The following SLC35A5 variants were observed in gnomAD, a reference collection of about 807,000 sequenced individuals.
The protein encoded by SLC35A5 is solute carrier family 35 member A5.
A neutral mutation model predicts 36.3 loss-of-function variants in SLC35A5; 28 were observed. That is an observed-to-expected ratio of 0.77 (90% CI 0.57 to 1.06). SLC35A5 has a LOEUF of 1.06. Among genes scored for constraint, SLC35A5 ranks in the 50% least tolerant of loss-of-function variants. SLC35A5 has a pLI of 0.00. For missense variants in SLC35A5, 521 were observed against 499.3 expected (o/e 1.04, Z -0.41); for synonymous variants, 180 against 173.7 (o/e 1.04, Z -0.29).
At position 112,576,256 on chromosome 3, in the gene SLC35A5, TA is replaced by T. The variant is rs1419815419; in HGVS notation, c.428+2301del. On this transcript the variant is annotated intron_variant, in intron 5 of 6. Coordinates refer to ENST00000492406, the MANE Select transcript of SLC35A5 (RefSeq NM_017945.5). ...GATTCCCCTGCCTCAGCCTCCCCAG[TA>T]GCTGGTGTTACAGGCACGTGCCACC... Among the ~76,000 whole-genome samples, 13 of 152,144 alleles carry T rather than the reference TA, an allele frequency of 8.5e-5. No homozygotes were observed. In the East Asian group the frequency reaches 2.5e-3, roughly 29 times the overall value.
At chr3:112,566,702 T>A (rs547068750) in intron 2 of SLC35A5, among the ~76,000 whole-genome samples, 2 of 152,288 alleles carry the variant, frequency 1.3e-5, no homozygotes, top group East Asian at 3.9e-4. Context: ...AGAATGAGAA[T>A]ATGTTTGATA....
At chr3:112,570,768 T>C (rs1042152294) in intron 4 of SLC35A5, 98 bp downstream of exon 4, 1 of 1,217,732 alleles carries the variant, frequency 8.2e-7, no homozygotes, top group Admixed American at 2.9e-5. Context: ...ATTGTTAGTT[T>C]CTCATTGTCC....
Position 112,580,791 on chromosome 3 carries a change from G to T in SLC35A5, c.674G>T (p.Ser225Ile), listed in dbSNP as rs749357552. ...TGGAACACCACAGCCAGAGTTTTCAGTCACATCCGTCTTGGCATGGGCCAT... is the reference window on the plus strand; with the variant it reads ...TGGAACACCACAGCCAGAGTTTTCATTCACATCCGTCTTGGCATGGGCCAT... ...AKWNTTARVFSHIRLGMGHVL... is the reference protein window; with the variant it reads ...AKWNTTARVFIHIRLGMGHVL... Residue 225 changes from serine to isoleucine, a missense_variant, in exon 6 of 7, where the codon AGT becomes ATT. By Grantham distance (142) the Ser-to-Ile change is moderately radical. Transcript: ENST00000492406. 1 of 1,614,196 alleles carries T rather than the reference G, an allele frequency of 6.2e-7. No individual in the cohort carries two copies. Among genetic ancestry groups the T allele is most frequent in the South Asian group, 1.1e-5 (1 of 91,086 alleles).
chr3:112,564,964 C>T (rs542074666), intron 2 of SLC35A5, among the ~76,000 whole-genome samples: 1 of 152,320 alleles, frequency 6.6e-6, no homozygotes, highest in East Asian at 1.9e-4. Context: ...ATGTCTACTT[C>T]TTTCTACACA....
intron 6 of SLC35A5, among the ~76,000 whole-genome samples, chr3:112,582,373 C>T (rs1243837863): frequency 6.6e-6 from 1 of 152,084 alleles, no homozygotes; most frequent in African/African-American, 2.4e-5. Flanking sequence ...ATATAGGTAA[C>T]AAGGCCTATG....
intron 4 of SLC35A5, among the ~76,000 whole-genome samples, chr3:112,571,824 C>T (rs1934451533): frequency 6.6e-6 from 1 of 151,678 alleles, no homozygotes. Flanking sequence ...TGGCTTGGCC[C>T]TTGACATATG....
upstream of SLC35A5, chr3:112,561,367 CG>C (rs1276851253): frequency 7.2e-6 from 10 of 1,383,520 alleles, no homozygotes; most frequent in Non-Finnish European, 9.1e-6. Context: ...CACCTTGCCC[CG>C]CCGGAGAAAG....
upstream of SLC35A5, chr3:112,561,359 CCTTGCCCCG>C: frequency 7.7e-7 from 1 of 1,302,968 alleles, no homozygotes. Context: ...CCTTCCTACA[CCTTGCCCCG>C]CCGGAGAAAG....
At chr3:112,579,295 G>A (rs1181910057) in intron 5 of SLC35A5, among the ~76,000 whole-genome samples, 1 of 152,062 alleles carries the variant, frequency 6.6e-6, no homozygotes, top group Non-Finnish European at 1.5e-5. Context: ...CCTTAGAGCG[G>A]AAATGCCTAA....
rs759006526 is a variant in SLC35A5, at chr3:112,570,628, G to A, written c.318G>A (p.Leu106=). ...KWSIPAFLYF[L]DNLIVFYVLS... ...CCATTCCTGCCTTTCTTTATTTCCT[G>A]GATAACTTGATTGTCTTCTATGTCC... is the stretch of plus-strand genomic sequence containing the variant. Residue 106 remains leucine, a synonymous_variant, in exon 4 of 7, where the codon CTG becomes CTA. Transcript: ENST00000492406. The A allele has an allele frequency of 1.9e-6, 3 of 1,611,462 alleles. No homozygotes were observed. The highest frequency in any genetic ancestry group is 1.7e-5 in the Admixed American group (1 of 59,708).
intron 2 of SLC35A5, among the ~76,000 whole-genome samples, chr3:112,567,795 A>C (rs1178016250): frequency 6.6e-6 from 1 of 152,216 alleles, no homozygotes; most frequent in Non-Finnish European, 1.5e-5. Context: ...CAAGAAAACC[A>C]CTGAAAAGCA....
In SLC35A5 at chr3:112,582,948, G is replaced by T; in HGVS notation, c.*212G>T. 5.9e-6 allele frequency: 3 copies of T among 504,648 alleles called. No homozygotes were observed. The highest frequency in any genetic ancestry group is 1.0e-5 in the Non-Finnish European group (3 of 286,298). The allele number at this position is 504,648 out of a possible 1,614,324, so 31.3% of individuals were successfully genotyped here. A position where few individuals can be genotyped will look rare whatever the true frequency, so the allele number is the denominator to read the frequency against. ...AGAACTGATACAGGAGTAACAATAT[G>T]AAGAATTCATTAATATCTCAGTACT... On this transcript the variant is annotated 3_prime_UTR_variant, in exon 7 of 7. Coordinates refer to ENST00000492406, the MANE Select transcript of SLC35A5 (RefSeq NM_017945.5).
intron 2 of SLC35A5, 36 bp downstream of exon 2, chr3:112,563,569 C>G (rs1199857029): frequency 6.6e-7 from 1 of 1,520,100 alleles, no homozygotes; most frequent in Non-Finnish European, 8.9e-7. Context: ...GGAGCACTTC[C>G]ATCTAATCAC....
rs1244858080 is a variant in SLC35A5 at position 112,580,811 on chromosome 3, G to T, written c.694G>T (p.Gly232Cys). 1 of 1,614,192 alleles carries T rather than the reference G, an allele frequency of 6.2e-7. No homozygotes were observed. Among genetic ancestry groups the T allele is most frequent in the Non-Finnish European group, 8.5e-7 (1 of 1,180,020 alleles). ...RVFSHIRLGM[G>C]HVLIIVQCFI... Reference sequence around the variant, plus strand: ...TTTCAGTCACATCCGTCTTGGCATGGGCCATGTTCTTATTATAGTCCAGTG... The same window carrying T: ...TTTCAGTCACATCCGTCTTGGCATGTGCCATGTTCTTATTATAGTCCAGTG... The change falls in exon 6 of 7, where the codon GGC becomes TGC. Residue 232 changes from glycine (G) to cysteine (C), a missense_variant. By Grantham distance (159) the Gly-to-Cys change is radical. Transcript: ENST00000492406.
chr3:112,580,985 C>A lies in SLC35A5; in HGVS notation c.868C>A (p.Arg290Ser). ...GACTCTGGGCCTTCAGAGGAGTAAC[C>A]GTGATCAGATTAAGAACTGTGGATT... Reference protein sequence around the residue: ...GLTLGLQRSNRDQIKNCGFFY... With the variant: ...GLTLGLQRSNSDQIKNCGFFY... The change falls in exon 6 of 7, where the codon CGT becomes AGT. Residue 290 changes from arginine to serine, a missense_variant. Physicochemically the swap from Arg to Ser is moderately radical, Grantham distance 110. Transcript: ENST00000492406. 1 of 1,614,080 alleles carries A rather than the reference C, an allele frequency of 6.2e-7. No homozygotes were observed.
Position 112,581,322 on chromosome 3 carries a change from G to A in SLC35A5, c.1205G>A (p.Ser402Asn). The change falls in exon 6 of 7, where the codon AGT becomes AAT. Residue 402 changes from serine (S) to asparagine (N), a missense_variant. Transcript: ENST00000492406. Reference protein sequence around the residue: ...DLSGNLWERSSGDGEELERLT... With the variant: ...DLSGNLWERSNGDGEELERLT... ...AGTGGCAATCTTTGGGAGCGTTCCA[G>A]TGGGGTAAGTTTGTGAGGGTGTTCC... 6.3e-7 allele frequency: 1 copy of A among 1,597,864 alleles called. No homozygotes were observed.
At chr3:112,572,897 C>A (rs922374145) in intron 4 of SLC35A5, among the ~76,000 whole-genome samples, 3 of 152,198 alleles carry the variant, frequency 2.0e-5, no homozygotes, top group African/African-American at 7.2e-5. Context: ...CAGCCACTTT[C>A]CTCTTTTCCT....
At chr3:112,561,653 A>AG (rs1933890354), upstream of SLC35A5, 1 of 941,530 alleles carries the variant, frequency 1.1e-6, no homozygotes, top group African/African-American at 1.7e-5. Flanking sequence ...GCAGCACCCG[A>AG]GGGGACGGGA....
In SLC35A5 at chr3:112,580,932, A is replaced by G. The variant is rs760151598; in HGVS notation, c.815A>G (p.Tyr272Cys). The G allele has an allele frequency of 3.2e-5, 52 of 1,614,012 alleles. No homozygotes were observed. Among genetic ancestry groups the G allele is most frequent in the South Asian group, 7.7e-5 (7 of 91,092 alleles). ...ESIFIQNSKL[Y>C]FFGILFNGLT... ...ATCTTCATACAGAACAGCAAACTCT[A>G]TTTCTTTGGCATTCTGTTTAATGGG... Residue 272 changes from tyrosine to cysteine, a missense_variant, in exon 6 of 7, where the codon TAT (tyrosine) becomes TGT (cysteine). Physicochemically the swap from Tyr to Cys is radical, Grantham distance 194. Transcript: ENST00000492406.
Sources: gnomAD v4.1 joint callset for allele counts (sites outside exome capture counted in the v4.1 genomes callset) on GRCh38, gnomAD v4.1.1 for gene constraint, MANE v1.5 for transcripts, NCBI Gene and HGNC (gene_info 2026-07-23, HGNC 2026-07-21) for gene names.